KCNG3: variants seen among roughly 807,000 people sequenced by gnomAD.
The protein encoded by KCNG3 is voltage-gated potassium channel regulatory subunit KCNG3.
A neutral mutation model predicts 29.0 loss-of-function variants in KCNG3; 15 were observed. The observed-to-expected ratio is 0.52, with a 90% CI of 0.35 to 0.80. The LOEUF (loss-of-function observed/expected upper bound fraction) is 0.80. KCNG3 is among the 30% of genes least tolerant of loss of function. The pLI, the probability that KCNG3 is intolerant of heterozygous loss-of-function variation, is 0.01. For missense variants in KCNG3, 512 were observed against 605.7 expected (o/e 0.85, Z 1.62); for synonymous variants, 322 against 248.9 (o/e 1.29, Z -2.76).
chr2:42,493,506 G>C lies in KCNG3; in HGVS notation c.-5C>G, dbSNP rs752835858. On this transcript the variant is annotated 5_prime_UTR_variant, in exon 1 of 2. Coordinates refer to ENST00000306078, the MANE Select transcript of KCNG3 (RefSeq NM_133329.6). Reference sequence around the variant, plus strand: ...CCCGCTGCGCCCGAAGGTCATGGCTGGCCGCCCGGGGGACTTTCGGCCCGA... The same window carrying C: ...CCCGCTGCGCCCGAAGGTCATGGCTCGCCGCCCGGGGGACTTTCGGCCCGA... 6.6e-6 allele frequency: 9 copies of C among 1,368,116 alleles called. No homozygotes were observed. Among genetic ancestry groups the C allele is most frequent in the Middle Eastern group, 2.6e-4 (1 of 3,820 alleles). 84.7% of individuals were successfully genotyped at this position (1,368,116 alleles called of 1,614,324 possible).
chr2:42,441,748 T>C (rs1298291764), downstream of KCNG3, among the ~76,000 whole-genome samples: 2 of 150,548 alleles, frequency 1.3e-5, no homozygotes, highest in African/African-American at 4.9e-5. Flanking sequence ...ATAAAATATA[T>C]ACACATATAT....
chr2:42,439,725 C>A (rs943060944), downstream of KCNG3, among the ~76,000 whole-genome samples: 11 of 151,734 alleles, frequency 7.2e-5, no homozygotes, highest in African/African-American at 2.7e-4. Context: ...CGGCTCACTG[C>A]AACCTCTGCC....
intron 1 of KCNG3, among the ~76,000 whole-genome samples, chr2:42,480,929 C>CA (rs1673565986): frequency 6.6e-6 from 1 of 152,010 alleles, no homozygotes; most frequent in Non-Finnish European, 1.5e-5. Flanking sequence ...TACAGGCATG[C>CA]ACCATCACAC....
chr2:42,389,513 C>T, the KCNG3 span, among the ~76,000 whole-genome samples: 3 of 152,256 alleles, frequency 2.0e-5, no homozygotes, highest in African/African-American at 7.2e-5. Flanking sequence ...CCCATTTATG[C>T]TCCCAGTAGT....
downstream of KCNG3, among the ~76,000 whole-genome samples, chr2:42,437,301 T>C (rs1488295793): frequency 6.6e-5 from 10 of 152,136 alleles, no homozygotes; most frequent in African/African-American, 2.4e-4. Context: ...ATAAGTCGAA[T>C]CTTAGAAAGA....
chr2:42,393,799 G>A, the KCNG3 span, among the ~76,000 whole-genome samples: 2 of 150,894 alleles, frequency 1.3e-5, no homozygotes, highest in African/African-American at 2.4e-5. Flanking sequence ...TTTTTTTCTC[G>A]AGACAGAGTC....
intron 1 of KCNG3, among the ~76,000 whole-genome samples, chr2:42,458,227 C>A (rs992317884): frequency 1.8e-4 from 27 of 152,300 alleles, no homozygotes; most frequent in African/African-American, 6.3e-4. Context: ...GAGAACTGGG[C>A]TCCTCCCACA....
the KCNG3 span, among the ~76,000 whole-genome samples, chr2:42,410,828 T>C: frequency 1.3e-5 from 2 of 152,208 alleles, no homozygotes; most frequent in Non-Finnish European, 2.9e-5. Context: ...CTTTCTGCAA[T>C]GCAAAACTGT....
At chr2:42,484,080 G>A (rs975568102) in intron 1 of KCNG3, among the ~76,000 whole-genome samples, 1 of 152,070 alleles carries the variant, frequency 6.6e-6, no homozygotes, top group South Asian at 2.1e-4. Context: ...CCCTGCTCCT[G>A]GCATGAAAAG....
chr2:42,452,514 A>C (rs1413585659), intron 1 of KCNG3, among the ~76,000 whole-genome samples: 1 of 151,366 alleles, frequency 6.6e-6, no homozygotes, highest in Non-Finnish European at 1.5e-5. Context: ...CCACTTCCCC[A>C]CCACCCCCGC....
At chr2:42,458,262 C>T (rs997142222) in intron 1 of KCNG3, among the ~76,000 whole-genome samples, 1 of 152,084 alleles carries the variant, frequency 6.6e-6, no homozygotes, top group Non-Finnish European at 1.5e-5. Context: ...GCTATTATTC[C>T]GTCGGATCTC....
chr2:42,417,706 C>T, the KCNG3 span, among the ~76,000 whole-genome samples: 2 of 152,090 alleles, frequency 1.3e-5, no homozygotes, highest in Non-Finnish European at 2.9e-5. Context: ...GGCGTGGTGG[C>T]TCACACCTGT....
chr2:42,395,857 G>C, the KCNG3 span, among the ~76,000 whole-genome samples: 1 of 152,054 alleles, frequency 6.6e-6, no homozygotes, highest in Non-Finnish European at 1.5e-5. Flanking sequence ...GGGAAGCTGA[G>C]GTGGGACACT....
chr2:42,391,595 C>CTTTTTTTTT, the KCNG3 span, among the ~76,000 whole-genome samples: 16 of 88,114 alleles, frequency 1.8e-4, no homozygotes, highest in Non-Finnish European at 1.8e-4. Context: ...TTTTATATCT[C>CTTTTTTTTT]TTTTTTTTTT....
Position 42,493,061 on chromosome 2 carries a change from CGCCTCG to C in KCNG3, c.435_440del (p.Glu146_Ala147del), listed in dbSNP as rs887743434. ...GCTCCAGCCAGCGCCTGGAGGGAGCCGCCTCGGCCCCGCCGGGGCGCGCCTCGTCGC... is the reference window on the plus strand; with the variant it reads ...GCTCCAGCCAGCGCCTGGAGGGAGCCGCCCCGCCGGGGCGCGCCTCGTCGC... On this transcript the variant is annotated inframe_deletion, in exon 1 of 2. Coordinates refer to ENST00000306078, the MANE Select transcript of KCNG3 (RefSeq NM_133329.6). 3 of 1,529,090 alleles carry C rather than the reference CGCCTCG, an allele frequency of 2.0e-6. No individual in the cohort carries two copies. Among genetic ancestry groups the C allele is most frequent in the African/African-American group, 2.8e-5 (2 of 71,830 alleles). 94.7% of individuals were successfully genotyped at this position (1,529,090 alleles called of 1,614,324 possible).
chr2:42,483,328 A>G (rs1360800741), intron 1 of KCNG3, among the ~76,000 whole-genome samples: 3 of 152,242 alleles, frequency 2.0e-5, no homozygotes, highest in African/African-American at 7.2e-5. Context: ...AAAAATGTTT[A>G]AAGCACAATC....
the KCNG3 span, among the ~76,000 whole-genome samples, chr2:42,415,174 T>C: frequency 6.6e-6 from 1 of 152,120 alleles, no homozygotes; most frequent in Non-Finnish European, 1.5e-5. Flanking sequence ...GGTACAGGGA[T>C]CTGAGCTGGG....
the KCNG3 span, among the ~76,000 whole-genome samples, chr2:42,391,342 T>TC: frequency 6.6e-6 from 1 of 152,152 alleles, no homozygotes; most frequent in African/African-American, 2.4e-5. Context: ...CCTACCTGGT[T>TC]CAACACCCAT....
the KCNG3 span, among the ~76,000 whole-genome samples, chr2:42,429,147 A>T: frequency 8.7e-6 from 1 of 114,614 alleles, no homozygotes; most frequent in South Asian, 4.0e-4. Context: ...ACAAACAAAC[A>T]AAAAAAAAAC....
Sources: gnomAD v4.1 joint callset for allele counts (sites outside exome capture counted in the v4.1 genomes callset) on GRCh38, gnomAD v4.1.1 for gene constraint, MANE v1.5 for transcripts, NCBI Gene and HGNC (gene_info 2026-07-23, HGNC 2026-07-21) for gene names.